Variants in NRG1 observed in about 807,000 individuals in gnomAD.
NRG1 encodes the protein pro-neuregulin-1, membrane-bound isoform.
A neutral mutation model predicts 63.8 loss-of-function variants in NRG1; 18 were observed. That is an observed-to-expected ratio of 0.28 (90% CI 0.19 to 0.42). The LOEUF is 0.42. Ranked by LOEUF, NRG1 falls within the 10% of genes least tolerant of loss-of-function variation. The probability of loss-of-function intolerance (pLI) is 1.00; values close to 1 mark genes in which losing one functional copy is unlikely to be tolerated. For missense variants in NRG1, 762 were observed against 814.7 expected (o/e 0.94, Z 0.79); for synonymous variants, 302 against 301.3 (o/e 1.00, Z -0.02).
intron 1 of NRG1, among the ~76,000 whole-genome samples, chr8:32,106,588 C>T (rs1016079899): frequency 6.6e-6 from 1 of 152,058 alleles, no homozygotes; most frequent in South Asian, 2.1e-4. Context: ...ATGTGTTGTC[C>T]TGCCTTCTTC....
At chr8:31,769,942 C>G (rs1818448396) in intron 1 of NRG1, among the ~76,000 whole-genome samples, 1 of 152,132 alleles carries the variant, frequency 6.6e-6, no homozygotes, top group Non-Finnish European at 1.5e-5. Flanking sequence ...GTCAGCAAGG[C>G]TCCAGGGTTA....
chr8:32,472,883 T>C (rs905848089), intron 1 of NRG1, among the ~76,000 whole-genome samples: 4 of 152,354 alleles, frequency 2.6e-5, no homozygotes, highest in Middle Eastern at 6.8e-3. Flanking sequence ...TCTTTATTTA[T>C]GTAATAAACC....
chr8:31,961,429 A>G (rs1805433414), intron 1 of NRG1, among the ~76,000 whole-genome samples: 1 of 152,242 alleles, frequency 6.6e-6, no homozygotes, highest in South Asian at 2.1e-4. Context: ...TAAGAAATAG[A>G]TCTACTGAAA....
intron 1 of NRG1, among the ~76,000 whole-genome samples, chr8:31,975,580 A>G (rs185952956): frequency 6.0e-4 from 92 of 152,320 alleles, no homozygotes; most frequent in Admixed American, 1.5e-3. Context: ...AGGGAATGTG[A>G]CAGTTTACAA....
intron 1 of NRG1, among the ~76,000 whole-genome samples, chr8:32,050,171 G>A (rs770451318): frequency 6.6e-6 from 1 of 152,128 alleles, no homozygotes; most frequent in African/African-American, 2.4e-5. Context: ...TGGCAGGAAG[G>A]AAAGAAATAT....
At chr8:31,819,467 A>G (rs1823796958) in intron 1 of NRG1, among the ~76,000 whole-genome samples, 1 of 152,152 alleles carries the variant, frequency 6.6e-6, no homozygotes, top group East Asian at 1.9e-4. Flanking sequence ...ATTTTATGGC[A>G]TTTCTTGCTT....
At chr8:31,732,617 A>G (rs1486921003) in intron 1 of NRG1, among the ~76,000 whole-genome samples, 3 of 152,140 alleles carry the variant, frequency 2.0e-5, no homozygotes, top group Non-Finnish European at 4.4e-5. Flanking sequence ...TTGGCCAGAG[A>G]CAGTGTCTCC....
At chr8:32,350,509 A>C (rs1346462997) in intron 1 of NRG1, among the ~76,000 whole-genome samples, 2 of 152,128 alleles carry the variant, frequency 1.3e-5, no homozygotes, top group East Asian at 3.9e-4. Context: ...ATATTTATTT[A>C]ACAAAGACGT....
chr8:32,555,461 T>C (rs1277695891), intron 1 of NRG1, among the ~76,000 whole-genome samples: 3 of 152,176 alleles, frequency 2.0e-5, no homozygotes, highest in African/African-American at 7.2e-5. Context: ...TTGTGGATCA[T>C]GGGCTGATTT....
At chr8:31,725,991 G>A (rs1369262102) in intron 1 of NRG1, among the ~76,000 whole-genome samples, 1 of 152,062 alleles carries the variant, frequency 6.6e-6, no homozygotes, top group Non-Finnish European at 1.5e-5. Context: ...AAACATAATA[G>A]TGACAAAGTC....
chr8:32,646,578 A>G (rs1853588558), intron 5 of NRG1, among the ~76,000 whole-genome samples: 1 of 152,116 alleles, frequency 6.6e-6, no homozygotes, highest in African/African-American at 2.4e-5. Flanking sequence ...CAGCTTTGTT[A>G]GATTGCTAGC....
chr8:32,278,379 G>A (rs1473686802), intron 1 of NRG1, among the ~76,000 whole-genome samples: 1 of 152,232 alleles, frequency 6.6e-6, no homozygotes, highest in Admixed American at 6.5e-5. Context: ...CTTAGCTTTT[G>A]TTCATGTGTT....
intron 1 of NRG1, among the ~76,000 whole-genome samples, chr8:32,079,637 G>A (rs551080485): frequency 1.3e-3 from 195 of 152,226 alleles, no homozygotes; most frequent in Admixed American, 5.6e-3. Flanking sequence ...TTTACCTGAA[G>A]TAAAATATGC....
intron 5 of NRG1, among the ~76,000 whole-genome samples, chr8:32,672,733 G>C (rs1247458919): frequency 6.6e-6 from 1 of 151,424 alleles, no homozygotes; most frequent in Non-Finnish European, 1.5e-5. Flanking sequence ...TGACCTTACA[G>C]CACTGTTCTT....
At chr8:32,563,471 G>T (rs12675358) in intron 1 of NRG1, among the ~76,000 whole-genome samples, 30,333 of 152,096 alleles carry the variant, frequency 0.2, 3,852 homozygotes, top group Admixed American at 0.33. Flanking sequence ...AGTATATTTG[G>T]GAATTACTAG....
intron 1 of NRG1, among the ~76,000 whole-genome samples, chr8:31,759,835 C>T (rs900602259): frequency 3.9e-5 from 6 of 152,026 alleles, no homozygotes; most frequent in Non-Finnish European, 8.8e-5. Flanking sequence ...TTTTGCAACC[C>T]GTGAGTCTAT....
At chr8:31,947,529 A>G (rs2129622181) in intron 1 of NRG1, among the ~76,000 whole-genome samples, 1 of 152,274 alleles carries the variant, frequency 6.6e-6, no homozygotes, top group East Asian at 1.9e-4. Flanking sequence ...TTTAAAATAC[A>G]TTTGAACTCT....
chr8:31,785,601 T>A (rs1166335059), intron 1 of NRG1, among the ~76,000 whole-genome samples: 1 of 152,312 alleles, frequency 6.6e-6, no homozygotes, highest in Admixed American at 6.5e-5. Context: ...ATTTGAGGTG[T>A]GTTTTGTACT....
chr8:32,532,210 A>C (rs1321798091), intron 1 of NRG1, among the ~76,000 whole-genome samples: 1 of 152,200 alleles, frequency 6.6e-6, no homozygotes, highest in African/African-American at 2.4e-5. Context: ...GTGTTTACCA[A>C]AGTAAAGTTC....
Sources: gnomAD v4.1 joint callset for allele counts (sites outside exome capture counted in the v4.1 genomes callset) on GRCh38, gnomAD v4.1.1 for gene constraint, MANE v1.5 for transcripts, NCBI Gene and HGNC (gene_info 2026-07-23, HGNC 2026-07-21) for gene names.